The following PLCB4 variants were observed in gnomAD, a reference collection of about 807,000 sequenced individuals.
The protein encoded by PLCB4 is 1-phosphatidylinositol 4,5-bisphosphate phosphodiesterase beta-4.
PLCB4 carries 77 observed loss-of-function variants against 178.8 expected under a neutral mutation model. The observed-to-expected ratio is 0.43, with a 90% CI of 0.36 to 0.52. The LOEUF is 0.52. Among genes scored for constraint, PLCB4 ranks in the 20% least tolerant of loss-of-function variants. The pLI, the probability that PLCB4 is intolerant of heterozygous loss-of-function variation, is 0.00. For missense variants in PLCB4, 1,024 were observed against 1,453.4 expected (o/e 0.70, Z 4.80); for synonymous variants, 496 against 490.8 (o/e 1.01, Z -0.14).
In PLCB4 at chr20:9,387,458, C is replaced by A. The variant is rs761328440; in HGVS notation, c.1065-5C>A. On this transcript the variant is annotated splice_region_variant and splice_polypyrimidine_tract_variant and intron_variant, in intron 14 of 39. Coordinates refer to ENST00000378473, the MANE Select transcript of PLCB4 (RefSeq NM_001377142.1). ...TTCAATATTGTAACTTCACTATATC[C>A]CTAGATGTGTTGAACTTGACTGCTG... 6.8e-7 allele frequency: 1 copy of A among 1,466,870 alleles called. No individual in the cohort carries two copies. Among genetic ancestry groups the A allele is most frequent in the Non-Finnish European group, 9.5e-7 (1 of 1,052,216 alleles). The allele number at this position is 1,466,870 out of a possible 1,614,324, so 90.9% of individuals were successfully genotyped here.
At chr20:9,252,871 C>G (rs1601446216) in intron 3 of PLCB4, among the ~76,000 whole-genome samples, 2 of 152,072 alleles carry the variant, frequency 1.3e-5, no homozygotes, top group African/African-American at 4.8e-5. Context: ...AGATTGGTAC[C>G]TACACAACCT....
chr20:9,267,974 CTCTT>C (rs1433370487), intron 3 of PLCB4, among the ~76,000 whole-genome samples: 1 of 152,268 alleles, frequency 6.6e-6, no homozygotes, highest in Admixed American at 6.5e-5. Context: ...GGTTAGGTGT[CTCTT>C]TCTGTCACTT....
intron 3 of PLCB4, among the ~76,000 whole-genome samples, chr20:9,287,193 A>G (rs1721140344): frequency 6.6e-6 from 1 of 152,082 alleles, no homozygotes; most frequent in African/African-American, 2.4e-5. Context: ...TTTCTGGAAT[A>G]TATGAGTTAG....
chr20:9,426,400 C>T (rs535162822), intron 28 of PLCB4, among the ~76,000 whole-genome samples: 8 of 152,124 alleles, frequency 5.3e-5, no homozygotes, highest in South Asian at 2.1e-4. Flanking sequence ...TTATTTGAGA[C>T]GGAGTTTTGC....
intron 9 of PLCB4, 52 bp from the exon 10 acceptor site, chr20:9,371,162 A>G: frequency 8.6e-7 from 1 of 1,160,270 alleles, no homozygotes; most frequent in Non-Finnish European, 1.3e-6. Context: ...TGCATCAGAG[A>G]AAACATAATG....
chr20:9,244,529 A>G (rs574735110), intron 3 of PLCB4, among the ~76,000 whole-genome samples: 2 of 152,316 alleles, frequency 1.3e-5, no homozygotes, highest in Admixed American at 1.3e-4. Flanking sequence ...AAAAAAAGGT[A>G]ATATTGGCCC....
At chr20:9,080,834 C>G (rs2090108231) in intron 1 of PLCB4, among the ~76,000 whole-genome samples, 1 of 152,192 alleles carries the variant, frequency 6.6e-6, no homozygotes, top group Non-Finnish European at 1.5e-5. Flanking sequence ...ACTTTCAAAT[C>G]AAAGTGTACA....
rs1339731755 is a variant in PLCB4 at position 9,405,360 on chromosome 20, A to T, written c.1647+12A>T. ...AAAACAACAAAAAGGTAACAAAATA[A>T]TTCCCTTGCACATTTTAAATCAGAT... On this transcript the variant is annotated intron_variant, in intron 21 of 39. Transcript: ENST00000378473. The T allele has an allele frequency of 4.0e-6, 6 of 1,486,550 alleles. No individual in the cohort carries two copies. The highest frequency in any genetic ancestry group is 5.5e-6 in the Non-Finnish European group (6 of 1,084,606). 92.1% of individuals were successfully genotyped at this position (1,486,550 alleles called of 1,614,324 possible). A position where few individuals can be genotyped will look rare whatever the true frequency, so the allele number is the denominator to read the frequency against.
intron 12 of PLCB4, among the ~76,000 whole-genome samples, chr20:9,378,684 G>A (rs1250345918): frequency 1.3e-5 from 2 of 152,134 alleles, no homozygotes; most frequent in South Asian, 4.1e-4. Flanking sequence ...AATGTTAGCT[G>A]TTGTGAGCCA....
chr20:9,115,631 G>A (rs911955219), intron 2 of PLCB4, among the ~76,000 whole-genome samples: 1 of 130,036 alleles, frequency 7.7e-6, no homozygotes, highest in Non-Finnish European at 1.5e-5. Flanking sequence ...TCCTGTGTCC[G>A]TGTGTTCTCA....
At chr20:9,217,716 C>T (rs1331400989) in intron 3 of PLCB4, among the ~76,000 whole-genome samples, 2 of 152,166 alleles carry the variant, frequency 1.3e-5, no homozygotes, top group South Asian at 2.1e-4. Context: ...TAGTGTTGCC[C>T]GCATTTAGTA....
At chr20:9,378,902 A>G (rs1193210055) in intron 12 of PLCB4, among the ~76,000 whole-genome samples, 1 of 152,182 alleles carries the variant, frequency 6.6e-6, no homozygotes, top group African/African-American at 2.4e-5. Flanking sequence ...TCCAATGCCC[A>G]TTCCAAAGCA....
rs991289911 is a variant in PLCB4 at position 9,221,760 on chromosome 20, C to T, written c.-16+4308C>T. On this transcript the variant is annotated intron_variant, in intron 3 of 39. Coordinates refer to ENST00000378473, the MANE Select transcript of PLCB4 (RefSeq NM_001377142.1). ...TTTAGAAATAGAAAACTTGACATTT[C>T]AAAGCTTTCCTTAGTAAAATCATGG... Among the ~76,000 whole-genome samples the T allele has an allele frequency of 3.9e-5, 6 of 152,118 alleles. No homozygotes were observed. In the East Asian group the frequency reaches 1.2e-3, roughly 29 times the overall value.
intron 2 of PLCB4, among the ~76,000 whole-genome samples, chr20:9,122,042 G>A (rs1459164879): frequency 6.6e-6 from 1 of 152,108 alleles, no homozygotes; most frequent in Non-Finnish European, 1.5e-5. Flanking sequence ...AAACATGAGT[G>A]TGTTGTTTGG....
chr20:9,394,717 G>T (rs2038428880), intron 18 of PLCB4, among the ~76,000 whole-genome samples: 1 of 152,074 alleles, frequency 6.6e-6, no homozygotes, highest in Non-Finnish European at 1.5e-5. Context: ...ATCAATTGGT[G>T]CAATTAGAGT....
chr20:9,069,317 G>C (rs1162194712), intron 1 of PLCB4, 111 bp downstream of exon 1: 2 of 152,526 alleles, frequency 1.3e-5, no homozygotes, highest in East Asian at 3.9e-4. Flanking sequence ...CGCGCACCCG[G>C]ATGCCCAGCG....
intron 33 of PLCB4, among the ~76,000 whole-genome samples, chr20:9,453,696 A>G (rs1468672107): frequency 6.6e-6 from 1 of 152,230 alleles, no homozygotes; most frequent in Non-Finnish European, 1.5e-5. Flanking sequence ...AGATTCTGAT[A>G]TCTTTTAATT....
At chr20:9,385,458 C>G (rs1208519393) in intron 14 of PLCB4, among the ~76,000 whole-genome samples, 1 of 151,290 alleles carries the variant, frequency 6.6e-6, no homozygotes, top group Non-Finnish European at 1.5e-5. Context: ...CTCCTCACCT[C>G]CCAGATGGGG....
chr20:9,207,528 T>C (rs992930843), intron 2 of PLCB4, among the ~76,000 whole-genome samples: 6 of 152,250 alleles, frequency 3.9e-5, no homozygotes, highest in Admixed American at 3.9e-4. Context: ...ATTACTATTA[T>C]ACAACTGCTA....
Sources: gnomAD v4.1 joint callset for allele counts (sites outside exome capture counted in the v4.1 genomes callset) on GRCh38, gnomAD v4.1.1 for gene constraint, MANE v1.5 for transcripts, NCBI Gene and HGNC (gene_info 2026-07-23, HGNC 2026-07-21) for gene names.